WWOX: variants seen among roughly 807,000 people sequenced by gnomAD.
WWOX encodes WW domain-containing oxidoreductase.
A neutral mutation model predicts 46.2 loss-of-function variants in WWOX; 69 were observed. The observed-to-expected ratio is 1.49, with a 90% CI of 1.23 to 1.82. The LOEUF (loss-of-function observed/expected upper bound fraction) is 1.82. Among genes scored for constraint, WWOX ranks in the 40% most tolerant of loss-of-function variants. The pLI is 0.00. For missense variants in WWOX, 919 were observed against 542.6 expected, an observed-to-expected ratio of 1.69 and a Z score of -6.89; for synonymous variants, 359 against 202.6, an observed-to-expected ratio of 1.77 and a Z score of -6.56.
chr16:78,369,587 T>A (rs1310888086), intron 5 of WWOX, among the ~76,000 whole-genome samples: 1 of 151,994 alleles, frequency 6.6e-6, no homozygotes, highest in African/African-American at 2.4e-5. Context: ...CTGGACTGAT[T>A]TCTCATTAAT....
chr16:78,850,789 CTGGT>C (rs2052423997), intron 8 of WWOX, among the ~76,000 whole-genome samples: 1 of 152,192 alleles, frequency 6.6e-6, no homozygotes, highest in African/African-American at 2.4e-5. Context: ...ATTGATACCC[CTGGT>C]CTTTGAGCCC....
Position 78,259,936 on chromosome 16 carries a change from T to G in WWOX, c.516+95647T>G, listed in dbSNP as rs149551188. Reference sequence around the variant, plus strand: ...ACAATTGAGTTATTTTATGATGATCTAAACTGCATAGGATAAAATCCTATG... The same window carrying G: ...ACAATTGAGTTATTTTATGATGATCGAAACTGCATAGGATAAAATCCTATG... On this transcript the variant is annotated intron_variant, in intron 5 of 8. Coordinates refer to ENST00000566780, the MANE Select transcript of WWOX (RefSeq NM_016373.4). Among the ~76,000 whole-genome samples, 227 of 151,452 alleles carry G rather than the reference T, an allele frequency of 1.5e-3. 8 individuals carry two copies. Among genetic ancestry groups the G allele is most frequent in the African/African-American group, 5.3e-3 (219 of 41,152 alleles).
intron 5 of WWOX, chr16:78,238,312 T>G (rs1016288504): frequency 6.6e-6 from 1 of 152,332 alleles, no homozygotes. Flanking sequence ...TTTTGTTTGT[T>G]TTTTTGAGGC....
At chr16:79,022,954 A>G (rs1490648456) in intron 8 of WWOX, among the ~76,000 whole-genome samples, 2 of 152,178 alleles carry the variant, frequency 1.3e-5, no homozygotes, top group Admixed American at 6.5e-5. Context: ...TACCTATGGC[A>G]TAGGGTTTGG....
At chr16:78,432,096 A>C (rs751950355) in intron 7 of WWOX, among the ~76,000 whole-genome samples, 2 of 149,372 alleles carry the variant, frequency 1.3e-5, no homozygotes, top group Non-Finnish European at 3.0e-5. Flanking sequence ...GTTTTTACTC[A>C]TCTCTACATA....
chr16:78,622,608 C>A (rs574270254), intron 8 of WWOX, among the ~76,000 whole-genome samples: 52 of 152,090 alleles, frequency 3.4e-4, no homozygotes, highest in Non-Finnish European at 6.9e-4. Context: ...CTAAGACGGC[C>A]CCAGTGATAC....
At chr16:79,014,257 T>A (rs928037315) in intron 8 of WWOX, among the ~76,000 whole-genome samples, 1 of 152,164 alleles carries the variant, frequency 6.6e-6, no homozygotes, top group Non-Finnish European at 1.5e-5. Context: ...TTATGACGCA[T>A]GGGACGGGAG....
intron 8 of WWOX, among the ~76,000 whole-genome samples, chr16:78,632,657 C>G (rs1455607337): frequency 6.7e-6 from 1 of 149,746 alleles, no homozygotes; most frequent in Non-Finnish European, 1.5e-5. Context: ...CTCCCATATT[C>G]AAGGGATTCT....
intron 8 of WWOX, among the ~76,000 whole-genome samples, chr16:78,692,254 T>C (rs1034847199): frequency 5.9e-5 from 9 of 152,240 alleles, no homozygotes; most frequent in African/African-American, 2.2e-4. Context: ...TTTCTCTCAA[T>C]CTAATAGTAA....
At position 79,212,278 on chromosome 16, in the gene WWOX, A is replaced by T. The variant is rs2051790831; in HGVS notation, c.*482A>T. Reference sequence around the variant, plus strand: ...ATAATTGTTTCATTCATCCTGACCAAGACTGAGCCAGCTTAGCAACTGCTG... The same window carrying T: ...ATAATTGTTTCATTCATCCTGACCATGACTGAGCCAGCTTAGCAACTGCTG... On this transcript the variant is annotated 3_prime_UTR_variant, in exon 9 of 9. Transcript: ENST00000566780. The T allele has an allele frequency of 8.4e-7, 1 of 1,187,416 alleles. No homozygotes were observed. Among genetic ancestry groups the T allele is most frequent in the African/African-American group, 1.5e-5 (1 of 64,550 alleles). The allele number at this position is 1,187,416 out of a possible 1,614,324, so 73.6% of individuals were successfully genotyped here. A position where few individuals can be genotyped will look rare whatever the true frequency, so the allele number is the denominator to read the frequency against.
chr16:78,725,499 C>T (rs2048808207), intron 8 of WWOX, among the ~76,000 whole-genome samples: 2 of 151,542 alleles, frequency 1.3e-5, no homozygotes, highest in African/African-American at 4.8e-5. Flanking sequence ...AGGCATCTGC[C>T]ACCATGCACG....
intron 8 of WWOX, among the ~76,000 whole-genome samples, chr16:78,947,204 T>G (rs1184432152): frequency 6.6e-6 from 1 of 151,734 alleles, no homozygotes; most frequent in Non-Finnish European, 1.5e-5. Flanking sequence ...TGAAATAAAT[T>G]AGGATAATCC....
At chr16:78,387,083 C>T (rs1181916065) in intron 6 of WWOX, 135 bp downstream of exon 6, 12 of 839,064 alleles carry the variant, frequency 1.4e-5, no homozygotes, top group East Asian at 7.7e-5. Context: ...TTATATTGGC[C>T]CTGTTAAGGT....
chr16:78,544,638 C>G (rs1281824870), intron 8 of WWOX, among the ~76,000 whole-genome samples: 1 of 152,178 alleles, frequency 6.6e-6, no homozygotes, highest in Non-Finnish European at 1.5e-5. Flanking sequence ...CTAATTCCAG[C>G]ACTTTGAGAG....
intron 8 of WWOX, among the ~76,000 whole-genome samples, chr16:78,678,874 C>T (rs1016937831): frequency 7.2e-5 from 11 of 152,260 alleles, no homozygotes; most frequent in South Asian, 2.1e-4. Flanking sequence ...ACTCTGGAGA[C>T]GACTGAGGCT....
chr16:79,143,976 C>G (rs762621421), intron 8 of WWOX, among the ~76,000 whole-genome samples: 1 of 152,176 alleles, frequency 6.6e-6, no homozygotes, highest in Non-Finnish European at 1.5e-5. Context: ...ACAGTCATAG[C>G]TCACTGCAAT....
intron 5 of WWOX, among the ~76,000 whole-genome samples, chr16:78,255,147 A>G (rs1378092164): frequency 6.6e-6 from 1 of 152,170 alleles, no homozygotes; most frequent in African/African-American, 2.4e-5. Flanking sequence ...TTTCTAGACC[A>G]TTTAATGTTT....
At chr16:78,641,192 C>G (rs1456546381) in intron 8 of WWOX, among the ~76,000 whole-genome samples, 2 of 152,062 alleles carry the variant, frequency 1.3e-5, no homozygotes, top group African/African-American at 4.8e-5. Context: ...CAAAGCCTTT[C>G]ACGCTGTGTT....
In WWOX at chr16:78,994,135, G is replaced by A. The variant is rs181970222; in HGVS notation, c.1057-217473G>A. 2.7e-3 allele frequency among the ~76,000 whole-genome samples: 416 copies of A among 152,292 alleles called. 3 individuals are homozygous for A. The highest frequency in any genetic ancestry group is 9.3e-3 in the African/African-American group (388 of 41,562). ...CCTGTCAACATTGGATAAACCATCC[G>A]AGGGAAATTAATCAAAACCCCCTTC... On this transcript the variant is annotated intron_variant, in intron 8 of 8. Transcript: ENST00000566780.
Sources: allele counts gnomAD v4.1 joint callset (sites outside exome capture counted in the v4.1 genomes callset), GRCh38; gene constraint gnomAD v4.1.1; transcripts MANE v1.5; gene names NCBI Gene and HGNC (gene_info 2026-07-23, HGNC 2026-07-21).